The following ERC2 variants were observed in gnomAD, a reference collection of about 807,000 sequenced individuals.
The protein encoded by ERC2 is ERC protein 2.
In ERC2, 42 loss-of-function variants were observed where a neutral mutation model predicts 114.8. The ratio of observed to expected loss-of-function variants is 0.37; its 90% CI spans 0.29 to 0.47. The LOEUF (loss-of-function observed/expected upper bound fraction) is 0.47, where lower values mean the gene tolerates loss of function less well. Ranked by LOEUF, ERC2 falls within the 20% of genes least tolerant of loss-of-function variation. The pLI, the probability that ERC2 is intolerant of heterozygous loss-of-function variation, is 0.99. For synonymous variants in ERC2, 454 were observed against 425.5 expected (o/e 1.07, Z -0.82); for missense variants, 939 against 1,150.7 (o/e 0.82, Z 2.66).
chr3:55,683,979 T>A, intron 16 of ERC2, 120 bp from the exon 17 acceptor site: 1 of 1,136,130 alleles, frequency 8.8e-7, no homozygotes, highest in Non-Finnish European at 1.2e-6. Context: ...CTTTGTTTTT[T>A]AATCTTCAAG....
intron 12 of ERC2, among the ~76,000 whole-genome samples, chr3:55,970,108 C>T (rs2069051779): frequency 6.6e-6 from 1 of 152,088 alleles, no homozygotes; most frequent in Non-Finnish European, 1.5e-5. Flanking sequence ...TCAAGGTTCG[C>T]TTTATTTTAA....
At chr3:55,620,303 G>A (rs548408637) in intron 17 of ERC2, among the ~76,000 whole-genome samples, 24 of 152,294 alleles carry the variant, frequency 1.6e-4, no homozygotes, top group Non-Finnish European at 2.4e-4. Context: ...TTCAGGAAAT[G>A]AATCATATTT....
chr3:56,089,266 A>T (rs2077660977), intron 6 of ERC2, among the ~76,000 whole-genome samples: 1 of 152,192 alleles, frequency 6.6e-6, no homozygotes, highest in Non-Finnish European at 1.5e-5. Flanking sequence ...TTGTCAATTA[A>T]CATAATTTAT....
Position 55,750,508 on chromosome 3 carries a change from G to A in ERC2, c.2565-15590C>T, listed in dbSNP as rs140878143. On this transcript the variant is annotated intron_variant, in intron 14 of 17. Coordinates refer to ENST00000288221, the MANE Select transcript of ERC2 (RefSeq NM_015576.3). Reference sequence around the variant, plus strand: ...TTCAATTCTTGGTTGCAGGAAGGAAGAAATGTCCCTTTGGTCCGGGATGAT... The same window carrying A: ...TTCAATTCTTGGTTGCAGGAAGGAAAAAATGTCCCTTTGGTCCGGGATGAT... 4.1e-3 allele frequency among the ~76,000 whole-genome samples: 620 copies of A among 152,298 alleles called. 1 individual carries two copies. The highest frequency in any genetic ancestry group is 0.017 in the Middle Eastern group (5 of 294).
At chr3:55,626,083 T>A (rs920805254) in intron 17 of ERC2, among the ~76,000 whole-genome samples, 1 of 152,186 alleles carries the variant, frequency 6.6e-6, no homozygotes, top group Non-Finnish European at 1.5e-5. Context: ...TCTTGCACAA[T>A]ACAAATTACA....
rs181441338 is a variant in ERC2 at position 56,077,735 on chromosome 3, C to G, written c.1641+3082G>C. On this transcript the variant is annotated intron_variant, in intron 7 of 17. Coordinates refer to ENST00000288221, the MANE Select transcript of ERC2 (RefSeq NM_015576.3). ...CCTAAAAAGTGAAATTAAAAAAAGG[C>G]TTATTCTCTTAATTTACATTAATTA... 7.2e-5 allele frequency among the ~76,000 whole-genome samples: 11 copies of G among 152,210 alleles called. No individual in the cohort carries two copies. In the East Asian group the frequency reaches 2.1e-3, roughly 29 times the overall value.
intron 7 of ERC2, among the ~76,000 whole-genome samples, chr3:56,058,166 T>G (rs2076093040): frequency 6.6e-6 from 1 of 152,216 alleles, no homozygotes; most frequent in Non-Finnish European, 1.5e-5. Flanking sequence ...ACTCACAAGT[T>G]GTGACTACCA....
chr3:55,947,536 T>C (rs564830518), intron 13 of ERC2, among the ~76,000 whole-genome samples: 7 of 151,768 alleles, frequency 4.6e-5, no homozygotes, highest in Admixed American at 4.6e-4. Context: ...GAGTAGGCCT[T>C]ATGAGGCCTA....
chr3:56,329,926 T>C (rs539830056), intron 2 of ERC2, among the ~76,000 whole-genome samples: 1 of 146,396 alleles, frequency 6.8e-6, no homozygotes, highest in Admixed American at 6.8e-5. Context: ...GTTTCCAATA[T>C]ACATATATAT....
chr3:56,074,211 C>T (rs936781224), intron 7 of ERC2, among the ~76,000 whole-genome samples: 2 of 152,124 alleles, frequency 1.3e-5, no homozygotes, highest in Admixed American at 1.3e-4. Context: ...AGAATAGCTC[C>T]ATCCCTTTCC....
At chr3:56,060,915 A>G (rs2076218622) in intron 7 of ERC2, among the ~76,000 whole-genome samples, 2 of 152,036 alleles carry the variant, frequency 1.3e-5, no homozygotes, top group African/African-American at 4.8e-5. Flanking sequence ...TCCTTTCTTT[A>G]ATCTTGCACA....
At chr3:55,770,697 G>A (rs2068130798) in intron 14 of ERC2, among the ~76,000 whole-genome samples, 1 of 152,144 alleles carries the variant, frequency 6.6e-6, no homozygotes, top group Admixed American at 6.5e-5. Context: ...GTACACATGT[G>A]CAGGTTTGTT....
chr3:55,812,201 A>G (rs1317066297), intron 14 of ERC2, among the ~76,000 whole-genome samples: 1 of 152,216 alleles, frequency 6.6e-6, no homozygotes, highest in African/African-American at 2.4e-5. Context: ...AGCAGGGGCC[A>G]TGCCATTCTT....
At chr3:55,585,545 T>C (rs1023177160) in intron 17 of ERC2, among the ~76,000 whole-genome samples, 4 of 152,216 alleles carry the variant, frequency 2.6e-5, no homozygotes, top group African/African-American at 9.6e-5. Flanking sequence ...TCTCTATAAC[T>C]GTTGGGGTTC....
intron 17 of ERC2, among the ~76,000 whole-genome samples, chr3:55,665,599 G>A (rs1200581319): frequency 6.6e-6 from 1 of 152,146 alleles, no homozygotes; most frequent in Non-Finnish European, 1.5e-5. Flanking sequence ...GAACACCAGA[G>A]ATTGCCACCA....
At chr3:55,882,634 A>G (rs2063166425) in intron 14 of ERC2, among the ~76,000 whole-genome samples, 1 of 152,226 alleles carries the variant, frequency 6.6e-6, no homozygotes, top group Non-Finnish European at 1.5e-5. Flanking sequence ...TCTACATTGT[A>G]TTAGGTATAA....
chr3:55,982,374 T>C (rs2070221012), intron 12 of ERC2, among the ~76,000 whole-genome samples: 1 of 152,008 alleles, frequency 6.6e-6, no homozygotes, highest in Non-Finnish European at 1.5e-5. Flanking sequence ...TTTAGCACAA[T>C]GTTCAACTTT....
intron 2 of ERC2, among the ~76,000 whole-genome samples, chr3:56,337,824 T>G (rs1403853101): frequency 6.6e-6 from 1 of 152,154 alleles, no homozygotes; most frequent in East Asian, 1.9e-4. Context: ...TCATTCAGAA[T>G]AGCCAAAAAC....
intron 12 of ERC2, among the ~76,000 whole-genome samples, chr3:55,951,166 A>G (rs2067474129): frequency 6.6e-6 from 1 of 152,242 alleles, no homozygotes; most frequent in South Asian, 2.1e-4. Flanking sequence ...GGCAGGGCCC[A>G]GGCTCATAGG....
Sources: gnomAD v4.1 joint callset for allele counts (sites outside exome capture counted in the v4.1 genomes callset) on GRCh38, gnomAD v4.1.1 for gene constraint, MANE v1.5 for transcripts, NCBI Gene and HGNC (gene_info 2026-07-23, HGNC 2026-07-21) for gene names.